Variants in TLL2 observed in about 807,000 individuals in gnomAD.
The protein encoded by TLL2 is tolloid like 2, also known as tolloid-like protein 2.
TLL2 carries 106 observed loss-of-function variants against 123.0 expected under a neutral mutation model. The ratio of observed to expected loss-of-function variants is 0.86; its 90% CI spans 0.74 to 1.01. The LOEUF is 1.01. Among genes scored for constraint, TLL2 ranks in the 50% least tolerant of loss-of-function variants. TLL2 has a pLI of 0.00. For missense variants in TLL2, 1,332 were observed against 1,336.7 expected (o/e 1.00, Z 0.06); for synonymous variants, 494 against 516.8 (o/e 0.96, Z 0.60).
intron 9 of TLL2, among the ~76,000 whole-genome samples, chr10:96,409,173 C>T (rs1006672743): frequency 6.6e-6 from 1 of 152,240 alleles, no homozygotes; most frequent in Non-Finnish European, 1.5e-5. Flanking sequence ...TTTCACTCAG[C>T]CCCTCATCCA....
chr10:96,467,498 G>C (rs1258383334), intron 2 of TLL2, among the ~76,000 whole-genome samples: 1 of 152,166 alleles, frequency 6.6e-6, no homozygotes, highest in Non-Finnish European at 1.5e-5. Flanking sequence ...CTCCCAAAGT[G>C]CTGGGATTAC....
intron 2 of TLL2, 80 bp from the exon 3 acceptor site, chr10:96,446,248 TG>T (rs1846896461): frequency 7.4e-7 from 1 of 1,353,752 alleles, no homozygotes. Context: ...GGAGCAAACC[TG>T]GTCACCTGGG....
rs1846109055 is a variant in TLL2, at chr10:96,373,792, C to A, written c.2466G>T (p.Glu822Asp). 2.4e-5 allele frequency: 38 copies of A among 1,613,912 alleles called. No individual in the cohort carries two copies. The highest frequency in any genetic ancestry group is 3.1e-5 in the Non-Finnish European group (36 of 1,180,054). ...HRVKLTFNEF[E>D]IEQHQECAYD... ...AGGCACATTCCTGGTGCTGCTCGATCTCAAACTCATTAAAGGTCTGGGGAC... is the reference window on the plus strand; with the variant it reads ...AGGCACATTCCTGGTGCTGCTCGATATCAAACTCATTAAAGGTCTGGGGAC... The change falls in exon 19 of 21, where the codon GAG becomes GAT. Residue 822 changes from glutamate (E) to aspartate (D), a missense_variant. Transcript: ENST00000357947.
chr10:96,506,271 A>AAAAAAAAG (rs1847578947), intron 1 of TLL2, among the ~76,000 whole-genome samples: 1 of 150,128 alleles, frequency 6.7e-6, no homozygotes, highest in Admixed American at 6.6e-5. Context: ...AAAAAGAAAA[A>AAAAAAAAG]AAAAAAAGAA....
intron 1 of TLL2, among the ~76,000 whole-genome samples, chr10:96,497,675 T>A (rs1019625715): frequency 6.6e-6 from 1 of 152,214 alleles, no homozygotes; most frequent in African/African-American, 2.4e-5. Context: ...ACCACAGGGA[T>A]AATGGGCTCA....
chr10:96,434,757 T>C (rs986671902), intron 3 of TLL2, among the ~76,000 whole-genome samples: 1 of 152,228 alleles, frequency 6.6e-6, no homozygotes, highest in African/African-American at 2.4e-5. Flanking sequence ...TTTGAGAAAC[T>C]ACCAGACTGT....
At chr10:96,445,951 G>A (rs1846894058) in intron 3 of TLL2, 140 bp downstream of exon 3, 3 of 842,706 alleles carry the variant, frequency 3.6e-6, no homozygotes, top group Admixed American at 2.1e-5. Flanking sequence ...ACTCAATAGG[G>A]GTAATGGTTA....
chr10:96,509,502 C>T (rs758849961), intron 1 of TLL2, among the ~76,000 whole-genome samples: 7 of 152,238 alleles, frequency 4.6e-5, no homozygotes, highest in Non-Finnish European at 1.0e-4. Flanking sequence ...TTGCCTAAAG[C>T]AGCTACCTTG....
At position 96,373,596 on chromosome 10, in the gene TLL2, C is replaced by T. The variant is rs1462962724; in HGVS notation, c.2662G>A (p.Glu888Lys). ...RKGFQAVHSTECGGRLKAEVQ... is the reference protein window; with the variant it reads ...RKGFQAVHSTKCGGRLKAEVQ... ...GAAGCCAGTGTCCCACCCCAGGTAC[C>T]TGTGCTGTGCACTGCCTGGAAGCCT... The change falls in exon 19 of 21, where the codon GAG becomes AAG. Residue 888 changes from glutamate (E) to lysine (K), a missense_variant and splice_region_variant. Coordinates refer to ENST00000357947, the MANE Select transcript of TLL2 (RefSeq NM_012465.4). 2 of 1,613,754 alleles carry T rather than the reference C, an allele frequency of 1.2e-6. No homozygotes were observed. The highest frequency in any genetic ancestry group is 2.2e-5 in the South Asian group (2 of 91,044).
intron 6 of TLL2, 128 bp downstream of exon 6, chr10:96,422,421 G>T: frequency 8.8e-7 from 1 of 1,132,352 alleles, no homozygotes; most frequent in Non-Finnish European, 1.3e-6. Flanking sequence ...GTACAACAGA[G>T]TCATTGCTCC....
At chr10:96,406,223 C>T (rs1846448015) in intron 9 of TLL2, among the ~76,000 whole-genome samples, 1 of 152,124 alleles carries the variant, frequency 6.6e-6, no homozygotes, top group African/African-American at 2.4e-5. Context: ...CGGGGCTCCC[C>T]TGGCAGATGG....
In TLL2 at chr10:96,508,006, C is replaced by G. The variant is rs1482937968; in HGVS notation, c.175+5505G>C. On this transcript the variant is annotated intron_variant, in intron 1 of 20. Coordinates refer to ENST00000357947, the MANE Select transcript of TLL2 (RefSeq NM_012465.4). ...ATAAAGATGTAAAAATATCAGCCACCCTTACCTAGGTGTGGCCCATGGTGT... is the reference window on the plus strand; with the variant it reads ...ATAAAGATGTAAAAATATCAGCCACGCTTACCTAGGTGTGGCCCATGGTGT... Among the ~76,000 whole-genome samples, 3 of 152,284 alleles carry G rather than the reference C, an allele frequency of 2.0e-5. No individual in the cohort carries two copies. The East Asian group carries it at 5.8e-4, about 29-fold the overall frequency.
At chr10:96,513,088 A>G (rs552161232) in intron 1 of TLL2, among the ~76,000 whole-genome samples, 2 of 152,334 alleles carry the variant, frequency 1.3e-5, no homozygotes, top group East Asian at 3.9e-4. Context: ...GCGAAACTTA[A>G]AAATGCTGTG....
At position 96,395,258 on chromosome 10, in the gene TLL2, T is replaced by C; in HGVS notation, c.1655A>G (p.Asn552Ser). 6.2e-7 allele frequency: 1 copy of C among 1,614,016 alleles called. No homozygotes were observed. The highest frequency in any genetic ancestry group is 8.5e-7 in the Non-Finnish European group (1 of 1,180,014). Residue 552 changes from asparagine (N) to serine (S), a missense_variant, in exon 13 of 21, where the codon AAC becomes AGC. Physicochemically the swap from Asn to Ser is conservative, Grantham distance 46. Coordinates refer to ENST00000357947, the MANE Select transcript of TLL2 (RefSeq NM_012465.4). ...GGACACAAACTTCATCCACAGTCTG[T>C]TGGAGCTCGATTTCACATCCTCCGG... ...EKPEDVKSSS[N>S]RLWMKFVSDG...
chr10:96,431,661 G>T (rs1208226862), intron 4 of TLL2, among the ~76,000 whole-genome samples: 1 of 152,094 alleles, frequency 6.6e-6, no homozygotes, highest in African/African-American at 2.4e-5. Context: ...AAATGAGACA[G>T]AAAAAAGACT....
chr10:96,420,983 A>G lies in TLL2; in HGVS notation c.896T>C (p.Met299Thr). Reference protein sequence around the residue: ...LGETYDFDSIMHYARNTFSRG... With the variant: ...LGETYDFDSITHYARNTFSRG... ...TGAGAAGGTGTTCCGGGCGTAGTGC[A>G]TGATGCTGTCAAAGTCGTATGTCTC... The change falls in exon 7 of 21, where the codon ATG (methionine) becomes ACG (threonine). Residue 299 changes from methionine to threonine, a missense_variant. Physicochemically the swap from Met to Thr is moderately conservative, Grantham distance 81 (BLOSUM62 -1). Transcript: ENST00000357947. 2 of 1,614,144 alleles carry G rather than the reference A, an allele frequency of 1.2e-6. No homozygotes were observed. Among genetic ancestry groups the G allele is most frequent in the Non-Finnish European group, 1.7e-6 (2 of 1,180,000 alleles).
chr10:96,413,277 G>T lies in TLL2; in HGVS notation c.963C>A (p.Asp321Glu). The T allele has an allele frequency of 6.2e-7, 1 of 1,614,122 alleles. No individual in the cohort carries two copies. ...GGCCAATGGTTGGCCTGACGCCATT[G>T]TCATCTTGACGGGGAAGGATGGTGT... is the stretch of plus-strand genomic sequence containing the variant. ...FLDTILPRQD[D>E]NGVRPTIGQR... Residue 321 changes from aspartate (D) to glutamate (E), a missense_variant, in exon 8 of 21, where the codon GAC becomes GAA. Physicochemically the swap from Asp to Glu is conservative, Grantham distance 45. Coordinates refer to ENST00000357947, the MANE Select transcript of TLL2 (RefSeq NM_012465.4).
intron 2 of TLL2, among the ~76,000 whole-genome samples, chr10:96,476,248 T>TTTTG (rs1285354320): frequency 3.9e-4 from 27 of 69,192 alleles, no homozygotes; most frequent in Non-Finnish European, 4.9e-4. Flanking sequence ...ATATTTTATT[T>TTTTG]TTGTTGTTGT....
intron 4 of TLL2, among the ~76,000 whole-genome samples, chr10:96,432,097 C>T (rs1846748872): frequency 6.6e-6 from 1 of 152,062 alleles, no homozygotes; most frequent in South Asian, 2.1e-4. Context: ...GAATTTCATT[C>T]TAGTGGCAAT....
Sources: gnomAD v4.1 joint callset for allele counts (sites outside exome capture counted in the v4.1 genomes callset) on GRCh38, gnomAD v4.1.1 for gene constraint, MANE v1.5 for transcripts, NCBI Gene and HGNC (gene_info 2026-07-23, HGNC 2026-07-21) for gene names.